Variants in CWC27 observed in about 807,000 individuals in gnomAD.
CWC27 encodes CWC27 spliceosome associated cyclophilin.
CWC27 carries 47 observed loss-of-function variants against 63.6 expected under a neutral mutation model. That is an observed-to-expected ratio of 0.74 (90% CI 0.58 to 0.94). The LOEUF (loss-of-function observed/expected upper bound fraction) is 0.94, where lower values mean the gene tolerates loss of function less well. Among genes scored for constraint, CWC27 ranks in the 40% least tolerant of loss-of-function variants. The pLI, the probability that CWC27 is intolerant of heterozygous loss-of-function variation, is 0.00. For synonymous variants in CWC27, 175 were observed against 179.8 expected, an observed-to-expected ratio of 0.97 and a Z score of 0.22; for missense variants, 495 against 554.3, an observed-to-expected ratio of 0.89 and a Z score of 1.07.
chr5:64,841,409 CA>C (rs757455585), intron 10 of CWC27, among the ~76,000 whole-genome samples: 16 of 152,322 alleles, frequency 1.1e-4, no homozygotes, highest in South Asian at 2.1e-4. Flanking sequence ...ATCACAATGG[CA>C]CTTGAATTTC....
Position 64,943,152 on chromosome 5 carries a change from G to GA in CWC27, c.1043-28543dup, listed in dbSNP as rs200436933. ...CATCAGTATGATTATACTCCTAGGT[G>GA]AAAAAAAAGATGGAGACAAGGGAAA... is the stretch of plus-strand genomic sequence containing the variant. On this transcript the variant is annotated intron_variant, in intron 11 of 13. Transcript: ENST00000381070. 6.8e-3 allele frequency among the ~76,000 whole-genome samples: 1,034 copies of GA among 151,592 alleles called. 6 individuals carry two copies. The highest frequency in any genetic ancestry group is 0.031 in the Middle Eastern group (9 of 294).
chr5:64,868,784 C>T (rs934095781), intron 10 of CWC27, among the ~76,000 whole-genome samples: 19 of 151,858 alleles, frequency 1.3e-4, no homozygotes, highest in Admixed American at 3.3e-4. Flanking sequence ...ATTTTTGTTT[C>T]CTCAGGTGTA....
intron 2 of CWC27, among the ~76,000 whole-genome samples, chr5:64,779,916 G>C (rs114825963): frequency 0.015 from 2,281 of 152,262 alleles, 65 homozygotes; most frequent in African/African-American, 0.052. Flanking sequence ...CCTGAAGAAA[G>C]TGCCTGCTTC....
intron 10 of CWC27, among the ~76,000 whole-genome samples, chr5:64,872,809 T>C (rs909758933): frequency 6.6e-6 from 1 of 152,212 alleles, no homozygotes; most frequent in Non-Finnish European, 1.5e-5. Context: ...CAGTGATTTT[T>C]ATTCTGTGTG....
intron 10 of CWC27, among the ~76,000 whole-genome samples, chr5:64,884,438 A>G (rs1213329233): frequency 6.6e-6 from 1 of 152,212 alleles, no homozygotes; most frequent in East Asian, 1.9e-4. Flanking sequence ...GGTAACTAAT[A>G]CATGGCAGTG....
At position 65,007,870 on chromosome 5, in the gene CWC27, C is replaced by T. The variant is rs537631185; in HGVS notation, c.1257-10289C>T. Among the ~76,000 whole-genome samples, 198 of 152,130 alleles carry T rather than the reference C, an allele frequency of 1.3e-3. 1 individual carries two copies. Among genetic ancestry groups the T allele is most frequent in the African/African-American group, 4.5e-3 (186 of 41,522 alleles). ...GTCTCAATCTCCTGACCTCGTGATCCGCCCGCCTCGGCCTCCCAAAGTGCT... is the reference window on the plus strand; with the variant it reads ...GTCTCAATCTCCTGACCTCGTGATCTGCCCGCCTCGGCCTCCCAAAGTGCT... On this transcript the variant is annotated intron_variant, in intron 13 of 13. Transcript: ENST00000381070.
In CWC27 at chr5:64,798,823, T is replaced by C. The variant is rs552947493; in HGVS notation, c.670-1425T>C. On this transcript the variant is annotated intron_variant, in intron 7 of 13. Coordinates refer to ENST00000381070, the MANE Select transcript of CWC27 (RefSeq NM_005869.4). ...ATACTTTGTAATAAATTTTCCCACA[T>C]AAAATTTTCTTCAAAATTTTTCAAA... Among the ~76,000 whole-genome samples, 6 of 152,344 alleles carry C rather than the reference T, an allele frequency of 3.9e-5. No homozygotes were observed. The South Asian group carries it at 1.2e-3, about 32-fold the overall frequency.
intron 10 of CWC27, among the ~76,000 whole-genome samples, chr5:64,812,500 T>C (rs1323941719): frequency 2.0e-5 from 3 of 152,158 alleles, no homozygotes; most frequent in Non-Finnish European, 4.4e-5. Flanking sequence ...AAAGAAAATT[T>C]GCAGTTGTTT....
intron 10 of CWC27, among the ~76,000 whole-genome samples, chr5:64,806,076 A>G (rs1165098998): frequency 1.5e-5 from 2 of 137,194 alleles, no homozygotes; most frequent in Non-Finnish European, 1.6e-5. Context: ...TATACAAAAT[A>G]CCATAGACTG....
At chr5:64,902,916 A>G (rs1264083292) in intron 11 of CWC27, among the ~76,000 whole-genome samples, 3 of 152,192 alleles carry the variant, frequency 2.0e-5, no homozygotes, top group Non-Finnish European at 2.9e-5. Flanking sequence ...GTAGTTTTCA[A>G]TGTAGAGGTC....
At chr5:64,947,730 TC>T (rs1320479480) in intron 11 of CWC27, among the ~76,000 whole-genome samples, 1 of 152,080 alleles carries the variant, frequency 6.6e-6, no homozygotes, top group African/African-American at 2.4e-5. Context: ...CAGAAATATT[TC>T]CTATGGGCCT....
chr5:64,785,187 G>A (rs930142276), intron 4 of CWC27, among the ~76,000 whole-genome samples: 1 of 151,988 alleles, frequency 6.6e-6, no homozygotes, highest in African/African-American at 2.4e-5. Flanking sequence ...TGTTTATGAT[G>A]TTTGAATGAA....
At chr5:64,951,131 G>C (rs1038983722) in intron 11 of CWC27, among the ~76,000 whole-genome samples, 1 of 151,816 alleles carries the variant, frequency 6.6e-6, no homozygotes, top group Non-Finnish European at 1.5e-5. Flanking sequence ...TCATATGGTA[G>C]TTCATAAGAA....
intron 11 of CWC27, among the ~76,000 whole-genome samples, chr5:64,967,507 CACTA>C (rs1455842718): frequency 3.3e-5 from 5 of 151,888 alleles, no homozygotes; most frequent in African/African-American, 4.8e-5. Flanking sequence ...AGAGGGCTTA[CACTA>C]ACTGATTCAA....
chr5:64,933,625 T>C (rs1748284722), intron 11 of CWC27, among the ~76,000 whole-genome samples: 1 of 151,960 alleles, frequency 6.6e-6, no homozygotes, highest in Non-Finnish European at 1.5e-5. Flanking sequence ...CCTGAGTAGC[T>C]GGGACTACAG....
At chr5:64,961,057 G>A (rs890422100) in intron 11 of CWC27, among the ~76,000 whole-genome samples, 2 of 152,112 alleles carry the variant, frequency 1.3e-5, no homozygotes, top group African/African-American at 4.8e-5. Flanking sequence ...GATAACATTG[G>A]TTCATTAGGT....
At chr5:64,906,622 C>T (rs570640521) in intron 11 of CWC27, among the ~76,000 whole-genome samples, 1 of 152,104 alleles carries the variant, frequency 6.6e-6, no homozygotes, top group African/African-American at 2.4e-5. Flanking sequence ...CTGTAGGTTG[C>T]GTATTCACTC....
rs573285842 is a variant in CWC27, at chr5:64,852,807, T to C, written c.939-32636T>C. ...TTTTTTTAATTAAATTAAGGGCTTT[T>C]CATATTTTCATTTTCAAATAAAAGC... is the stretch of plus-strand genomic sequence containing the variant. On this transcript the variant is annotated intron_variant, in intron 10 of 13. Coordinates refer to ENST00000381070, the MANE Select transcript of CWC27 (RefSeq NM_005869.4). Among the ~76,000 whole-genome samples the C allele has an allele frequency of 2.6e-5, 4 of 152,112 alleles. No individual in the cohort carries two copies. The East Asian group carries it at 7.7e-4, about 29-fold the overall frequency.
intron 13 of CWC27, among the ~76,000 whole-genome samples, chr5:65,008,734 G>A (rs542199098): frequency 1.6e-4 from 25 of 152,264 alleles, no homozygotes; most frequent in African/African-American, 6.0e-4. Context: ...AACAGTGAAT[G>A]TATATTGCTG....
Sources: allele counts gnomAD v4.1 joint callset (sites outside exome capture counted in the v4.1 genomes callset), GRCh38; gene constraint gnomAD v4.1.1; transcripts MANE v1.5; gene names NCBI Gene and HGNC (gene_info 2026-07-23, HGNC 2026-07-21).